DNAH1: variants seen among roughly 807,000 people sequenced by gnomAD.
DNAH1 encodes the protein axonemal beta dynein heavy chain 1.
In DNAH1, 327 loss-of-function variants were observed where a neutral mutation model predicts 484.3. The ratio of observed to expected loss-of-function variants is 0.68; its 90% CI spans 0.62 to 0.74. The LOEUF is 0.74. Among genes scored for constraint, DNAH1 ranks in the 30% least tolerant of loss-of-function variants. The pLI is 0.00. For synonymous variants in DNAH1, 2,192 were observed against 2,191.9 expected, an observed-to-expected ratio of 1.00 and a Z score of 0.00; for missense variants, 5,052 against 5,546.8, an observed-to-expected ratio of 0.91 and a Z score of 2.83.
At position 52,384,026 on chromosome 3, in the gene DNAH1, G is replaced by A; in HGVS notation, c.8317G>A (p.Gly2773Arg). ...ELESSQEEIQ[G>R]LIQVCVYIHQ... ...GGAATCCTCCCAGGAAGAAATCCAA[G>A]GACTGGTGGGTGTCTTGCTGAAGCT... Residue 2773 changes from glycine (G) to arginine (R), a missense_variant, in exon 52 of 78, where the codon GGA (glycine) becomes AGA (arginine). Around this residue, in one of 4 missense-constraint regions of DNAH1, gnomAD observed 2,929 missense variants for 3,409.4 expected, o/e 0.86. Transcript: ENST00000420323. The A allele has an allele frequency of 2.5e-6, 4 of 1,600,548 alleles. No individual in the cohort carries two copies. Among genetic ancestry groups the A allele is most frequent in the Non-Finnish European group, 2.6e-6 (3 of 1,172,410 alleles).
At chr3:52,357,856 G>A (rs1184825398) in intron 23 of DNAH1, 42 bp from the exon 24 acceptor site, 1 of 1,594,700 alleles carries the variant, frequency 6.3e-7, no homozygotes, top group Non-Finnish European at 8.6e-7. Flanking sequence ...GGGGCCCAGG[G>A]AGCCTGCACG....
chr3:52,332,133 G>C lies in DNAH1; in HGVS notation c.1034-9G>C. 2 of 1,548,430 alleles carry C rather than the reference G, an allele frequency of 1.3e-6. No homozygotes were observed. Among genetic ancestry groups the C allele is most frequent in the Non-Finnish European group, 1.7e-6 (2 of 1,143,348 alleles). On this transcript the variant is annotated splice_polypyrimidine_tract_variant and intron_variant, in intron 7 of 77. Coordinates refer to ENST00000420323, the MANE Select transcript of DNAH1 (RefSeq NM_015512.5). ...GTGTGTCCCCTTCTCCCTCTCACCCGGCCCCCAGGAAGGCCACCCCTTCAG... is the reference window on the plus strand; with the variant it reads ...GTGTGTCCCCTTCTCCCTCTCACCCCGCCCCCAGGAAGGCCACCCCTTCAG...
intron 44 of DNAH1, chr3:52,374,899 G>A: frequency 1.0e-6 from 1 of 1,000,300 alleles, no homozygotes. Context: ...CTAAAAACGA[G>A]AGTGACATGA....
chr3:52,372,178 C>G, intron 42 of DNAH1, 49 bp from the exon 43 acceptor site: 2 of 1,611,488 alleles, frequency 1.2e-6, no homozygotes, highest in Middle Eastern at 1.7e-4. Flanking sequence ...GCAGCTCCTC[C>G]TGTGCACCAG....
chr3:52,385,421 A>G lies in DNAH1; in HGVS notation c.8599A>G (p.Thr2867Ala). 1.3e-6 allele frequency: 2 copies of G among 1,551,992 alleles called. No individual in the cohort carries two copies. Among genetic ancestry groups the G allele is most frequent in the East Asian group, 4.9e-5 (2 of 40,924 alleles). The change falls in exon 54 of 78, where the codon ACC (threonine) becomes GCC (alanine). Residue 2867 changes from threonine to alanine, a missense_variant. Physicochemically the swap from Thr to Ala is moderately conservative, Grantham distance 58. Transcript: ENST00000420323. Reference protein sequence around the residue: ...HPLLEEAAKDTMLTMEQIKVD... With the variant: ...HPLLEEAAKDAMLTMEQIKVD... Reference sequence around the variant, plus strand: ...CCTGCTGGAGGAGGCTGCCAAGGACACCATGCTCACCATGGAGCAGATCAA... The same window carrying G: ...CCTGCTGGAGGAGGCTGCCAAGGACGCCATGCTCACCATGGAGCAGATCAA...
Position 52,344,576 on chromosome 3 carries a change from T to C in DNAH1, c.1373T>C (p.Val458Ala), listed in dbSNP as rs751750555. 1.2e-6 allele frequency: 2 copies of C among 1,613,932 alleles called. No homozygotes were observed. ...AACAAGATCAACTTTGACCACGTTG[T>C]CTCTTCCAAGCCCGAGACCTTCTCC... ...SMNKINFDHV[V>A]SSKPETFSYV... Residue 458 changes from valine to alanine, a missense_variant, in exon 9 of 78, where the codon GTC (valine) becomes GCC (alanine). By Grantham distance (64) the Val-to-Ala change is moderately conservative. Transcript: ENST00000420323.
intron 3 of DNAH1, 34 bp from the exon 4 acceptor site, chr3:52,326,106 G>T: frequency 6.6e-7 from 1 of 1,519,302 alleles, no homozygotes; most frequent in Non-Finnish European, 8.9e-7. Context: ...GCTGGCCTGA[G>T]CCCTGAAGCC....
chr3:52,361,755 C>T lies in DNAH1; in HGVS notation c.4969C>T (p.Gln1657Ter), dbSNP rs1702869126. 1.2e-6 allele frequency: 2 copies of T among 1,607,520 alleles called. No homozygotes were observed. Among genetic ancestry groups the T allele is most frequent in the Admixed American group, 1.7e-5 (1 of 59,208 alleles). ...AQQITTIQKA[Q>*]QQRVERFMFE... The stretch of plus-strand genomic sequence containing the variant: ...GCAGATCACCACCATCCAGAAGGCG[C>T]AGCAGCAGCGGGTGAGCCCGGGGGA... The change falls in exon 30 of 78, where the codon CAG becomes TAG. Residue 1657 changes from glutamine to a stop codon, truncating the protein, a stop_gained. Coordinates refer to ENST00000420323, the MANE Select transcript of DNAH1 (RefSeq NM_015512.5). LOFTEE classifies it high-confidence loss of function. The surrounding 1 kb of genome is among the most constrained non-coding windows in gnomAD (Gnocchi z 5.6).
chr3:52,358,066 C>A lies in DNAH1; in HGVS notation c.4086+63C>A. ...GGGGCATCTTCCCAGGGAGAACGTC[C>A]CTCCCTTTGTGATGAGCCCTTTTAG... is the stretch of plus-strand genomic sequence containing the variant. On this transcript the variant is annotated intron_variant, in intron 24 of 77. Coordinates refer to ENST00000420323, the MANE Select transcript of DNAH1 (RefSeq NM_015512.5). The surrounding 1 kb of genome is among the most constrained non-coding windows in gnomAD (Gnocchi z 4.2). 7.6e-7 allele frequency: 1 copy of A among 1,307,926 alleles called. No individual in the cohort carries two copies. The highest frequency in any genetic ancestry group is 1.4e-5 in the South Asian group (1 of 70,224). The allele number at this position is 1,307,926 out of a possible 1,614,324, so 81.0% of individuals were successfully genotyped here.
chr3:52,383,787 G>A (rs1181987647), intron 51 of DNAH1, 73 bp from the exon 52 acceptor site: 8 of 1,491,182 alleles, frequency 5.4e-6, no homozygotes, highest in Non-Finnish European at 1.8e-6. Context: ...GGCTGTGCAA[G>A]GGCCCTGGGT....
rs189852410 is a variant in DNAH1 at position 52,349,971 on chromosome 3, G to A, written c.2527-18G>A. ...GGAGCAGCATGCTGCCCTCCCCAGC[G>A]CCTCCTCCCACTGCCAGATCTGCGA... On this transcript the variant is annotated intron_variant, in intron 14 of 77. Transcript: ENST00000420323. 1.6e-5 allele frequency: 26 copies of A among 1,595,690 alleles called. No homozygotes were observed. Among genetic ancestry groups the A allele is most frequent in the African/African-American group, 1.3e-4 (10 of 74,630 alleles).
chr3:52,391,495 C>G lies in DNAH1; in HGVS notation c.9944C>G (p.Pro3315Arg), dbSNP rs1188555968. 6 of 1,613,564 alleles carry G rather than the reference C, an allele frequency of 3.7e-6. No homozygotes were observed. The East Asian group carries it at 1.1e-4, about 30-fold the overall frequency. The change falls in exon 63 of 78, where the codon CCC becomes CGC. Residue 3315 changes from proline (P) to arginine (R), a missense_variant. Pro to Arg is a moderately radical substitution (Grantham distance 103). Coordinates refer to ENST00000420323, the MANE Select transcript of DNAH1 (RefSeq NM_015512.5). ...CTGAAGCTGGGGGACACGGTGATCC[C>G]CTACCATGAGGACTTCAGGATGTAC... ...TVLKLGDTVI[P>R]YHEDFRMYIT...
intron 36 of DNAH1, among the ~76,000 whole-genome samples, 181 bp downstream of exon 36, chr3:52,367,068 G>T (rs1239804369): frequency 4.6e-5 from 7 of 152,172 alleles, no homozygotes; most frequent in African/African-American, 1.7e-4. Context: ...CCAGGCCATG[G>T]TTCCCTCGTC....
At chr3:52,328,625 A>G (rs776475370) in intron 6 of DNAH1, among the ~76,000 whole-genome samples, 3 of 152,248 alleles carry the variant, frequency 2.0e-5, no homozygotes, top group Non-Finnish European at 2.9e-5. Flanking sequence ...CCTTGTCAAT[A>G]ATCTGCCCAG....
chr3:52,375,437 T>G (rs762385918), intron 45 of DNAH1, 24 bp downstream of exon 45: 2 of 1,605,344 alleles, frequency 1.2e-6, no homozygotes, highest in South Asian at 1.1e-5. Flanking sequence ...GGGGTGAGCA[T>G]GGACAAAGGC....
chr3:52,341,945 C>T (rs1701955761), intron 8 of DNAH1, among the ~76,000 whole-genome samples: 1 of 152,062 alleles, frequency 6.6e-6, no homozygotes, highest in Admixed American at 6.5e-5. Context: ...CTCAGCCTGG[C>T]CAGAAAGACA....
In DNAH1 at chr3:52,381,607, C is replaced by G. The variant is rs1578179866; in HGVS notation, c.7609-33C>G. The G allele has an allele frequency of 1.9e-6, 3 of 1,558,534 alleles. No homozygotes were observed. The highest frequency in any genetic ancestry group is 2.6e-6 in the Non-Finnish European group (3 of 1,148,542). On this transcript the variant is annotated intron_variant, in intron 48 of 77. Coordinates refer to ENST00000420323, the MANE Select transcript of DNAH1 (RefSeq NM_015512.5). This position sits in a 1 kb window ranked among gnomAD's most constrained non-coding sequence, Gnocchi z 4.1. ...CGGGGAGACCCTACAGTAAGAGAGA[C>G]CCCGCCTTCCCCATCCTCGCCTTGG...
In DNAH1 at chr3:52,394,617, C is replaced by G. The variant is rs1704536282; in HGVS notation, c.10779C>G (p.His3593Gln). The change falls in exon 67 of 78, where the codon CAC becomes CAG. Residue 3593 changes from histidine (H) to glutamine (Q), a missense_variant. Around this residue, in one of 4 missense-constraint regions of DNAH1, gnomAD observed 853 missense variants for 899.0 expected, o/e 0.95. Transcript: ENST00000420323. ...CCTTCTCTTCCGACTTCGTGAAGCA[C>G]CTCTCAGAATTCCGGGTCATCTTCG... ...FSSFSSDFVK[H>Q]LSEFRVIFDS... The G allele has an allele frequency of 6.3e-7, 1 of 1,598,050 alleles. No individual in the cohort carries two copies. Among genetic ancestry groups the G allele is most frequent in the Non-Finnish European group, 8.5e-7 (1 of 1,169,838 alleles).
At chr3:52,373,941 G>T in intron 44 of DNAH1, 3 of 1,308,858 alleles carry the variant, frequency 2.3e-6, no homozygotes, top group Non-Finnish European at 3.3e-6. Flanking sequence ...ACCAACGTTA[G>T]AAGCAGGCTG....
Sources: gnomAD v4.1 joint callset for allele counts (sites outside exome capture counted in the v4.1 genomes callset) on GRCh38, gnomAD v4.1.1 for gene constraint, gnomAD v4.1.1 regional missense constraint, Gnocchi (gnomAD v3.1) non-coding constraint, MANE v1.5 for transcripts, NCBI Gene and HGNC (gene_info 2026-07-23, HGNC 2026-07-21) for gene names.